Variants in SLIT2 observed in about 807,000 individuals in gnomAD.
SLIT2 encodes slit guidance ligand 2, also known as slit homolog 2 protein.
SLIT2 carries 41 observed loss-of-function variants against 185.7 expected under a neutral mutation model. The ratio of observed to expected loss-of-function variants is 0.22; its 90% CI spans 0.17 to 0.29. SLIT2 has a LOEUF of 0.29. Among genes scored for constraint, SLIT2 ranks in the 10% least tolerant of loss-of-function variants. The probability of loss-of-function intolerance (pLI) is 1.00; values close to 1 mark genes in which losing one functional copy is unlikely to be tolerated. For missense variants in SLIT2, 1,571 were observed against 1,909.0 expected, an observed-to-expected ratio of 0.82 and a Z score of 3.30; for synonymous variants, 693 against 680.2, an observed-to-expected ratio of 1.02 and a Z score of -0.29.
chr4:20,472,518 ATATATCTATATATAGATATATC>A lies in SLIT2; in HGVS notation c.467+4717_467+4738del, dbSNP rs1715513163. Among the ~76,000 whole-genome samples the A allele has an allele frequency of 3.6e-4, 8 of 21,990 alleles. 3 individuals are homozygous for A. Among genetic ancestry groups the A allele is most frequent in the Admixed American group, 2.8e-3 (3 of 1,088 alleles). The allele number at this position is 21,990 out of a possible 152,430, so 14.4% of individuals were successfully genotyped here. A position where few individuals can be genotyped will look rare whatever the true frequency, so the allele number is the denominator to read the frequency against. ...GATATATATCTATATATAGATAGAT[ATATATCTATATATAGATATATC>A]TATATCTATATATAGATATATATCT... is the stretch of plus-strand genomic sequence containing the variant. On this transcript the variant is annotated intron_variant, in intron 5 of 36. Coordinates refer to ENST00000504154, the MANE Select transcript of SLIT2 (RefSeq NM_004787.4).
At chr4:20,546,375 C>T (rs1037353351) in intron 22 of SLIT2, among the ~76,000 whole-genome samples, 1 of 152,002 alleles carries the variant, frequency 6.6e-6, no homozygotes, top group Non-Finnish European at 1.5e-5. Context: ...TATAAACCTG[C>T]AGATTTTTAT....
chr4:20,590,822 C>T (rs1479772447), intron 30 of SLIT2, among the ~76,000 whole-genome samples: 4 of 152,172 alleles, frequency 2.6e-5, no homozygotes, highest in Admixed American at 1.3e-4. Context: ...AACCATGGCC[C>T]GGAGAGGTTA....
intron 4 of SLIT2, among the ~76,000 whole-genome samples, chr4:20,322,604 A>G (rs1161794999): frequency 6.6e-6 from 1 of 152,080 alleles, no homozygotes; most frequent in Non-Finnish European, 1.5e-5. Context: ...CCTCACTTCC[A>G]TGAATCTCTT....
chr4:20,494,435 A>T (rs1718045718), intron 9 of SLIT2, among the ~76,000 whole-genome samples: 1 of 152,216 alleles, frequency 6.6e-6, no homozygotes, highest in Non-Finnish European at 1.5e-5. Context: ...GGAAGATGAC[A>T]GTGAACTCAA....
intron 4 of SLIT2, among the ~76,000 whole-genome samples, chr4:20,361,219 T>A (rs1335564030): frequency 6.6e-6 from 1 of 152,068 alleles, no homozygotes; most frequent in East Asian, 1.9e-4. Context: ...CATATCTTCT[T>A]CAACCAGATT....
rs948271537 is a variant in SLIT2, at chr4:20,484,883, T to C, written c.540-1317T>C. 3.0e-4 allele frequency among the ~76,000 whole-genome samples: 46 copies of C among 152,118 alleles called. No individual in the cohort carries two copies. Among genetic ancestry groups the C allele is most frequent in the African/African-American group, 1.0e-3 (43 of 41,460 alleles). On this transcript the variant is annotated intron_variant, in intron 6 of 36. Transcript: ENST00000504154. This position sits in a 1 kb window ranked among gnomAD's most constrained non-coding sequence, Gnocchi z 4.3. ...TTGCTAGCTTACCATATTCTTCACATTCCCCAAATGTCTGCTTTCTTCCAT... is the reference window on the plus strand; with the variant it reads ...TTGCTAGCTTACCATATTCTTCACACTCCCCAAATGTCTGCTTTCTTCCAT...
chr4:20,295,016 T>C (rs1214488645), intron 4 of SLIT2, among the ~76,000 whole-genome samples: 2 of 152,188 alleles, frequency 1.3e-5, no homozygotes, highest in Non-Finnish European at 2.9e-5. Context: ...CAAAGAAGTA[T>C]CAAAGACTAG....
intron 4 of SLIT2, among the ~76,000 whole-genome samples, chr4:20,323,320 G>A (rs58599905): frequency 0.068 from 10,397 of 152,158 alleles, 821 homozygotes; most frequent in African/African-American, 0.19. Context: ...AGAAAAGAGT[G>A]GATTCTGTCT....
chr4:20,493,005 TATC>T (rs1335905043), intron 9 of SLIT2, among the ~76,000 whole-genome samples: 21 of 152,198 alleles, frequency 1.4e-4, no homozygotes, highest in African/African-American at 4.6e-4. Context: ...AACATAATAA[TATC>T]ATTCTCATCA....
chr4:20,519,481 C>T (rs569219255), intron 12 of SLIT2, 28 bp downstream of exon 12: 21 of 1,338,768 alleles, frequency 1.6e-5, no homozygotes, highest in African/African-American at 2.9e-5. Context: ...TTGGATCTCT[C>T]GAGCCTAATA....
chr4:20,591,747 T>C (rs1348329736), intron 30 of SLIT2, among the ~76,000 whole-genome samples: 1 of 151,898 alleles, frequency 6.6e-6, no homozygotes, highest in African/African-American at 2.4e-5. Flanking sequence ...AGAAATTAGC[T>C]AGTAAGGAAA....
intron 4 of SLIT2, among the ~76,000 whole-genome samples, chr4:20,465,913 G>A (rs1272790533): frequency 2.6e-5 from 4 of 151,066 alleles, no homozygotes; most frequent in Non-Finnish European, 5.9e-5. Flanking sequence ...AGCAGGTAAA[G>A]TCTGGAGCAA....
intron 4 of SLIT2, among the ~76,000 whole-genome samples, chr4:20,370,488 G>A (rs979628410): frequency 6.6e-6 from 1 of 152,052 alleles, no homozygotes; most frequent in African/African-American, 2.4e-5. Context: ...AAATAGCACA[G>A]TACATGCCTG....
intron 4 of SLIT2, among the ~76,000 whole-genome samples, chr4:20,323,891 C>T (rs891378695): frequency 1.3e-5 from 2 of 152,128 alleles, no homozygotes; most frequent in African/African-American, 4.8e-5. Flanking sequence ...TTTGTACTTA[C>T]AAAATTATTT....
intron 29 of SLIT2, among the ~76,000 whole-genome samples, chr4:20,574,786 CAAAAAAAAAAAAA>C (rs57022828): frequency 1.2e-5 from 1 of 86,174 alleles, no homozygotes; most frequent in East Asian, 3.4e-4. Flanking sequence ...GACTCGCTTT[CAAAAAAAAAAAAA>C]AAAAAAAACA....
intron 4 of SLIT2, among the ~76,000 whole-genome samples, chr4:20,282,129 A>G (rs1488915708): frequency 6.6e-6 from 1 of 152,232 alleles, no homozygotes; most frequent in Non-Finnish European, 1.5e-5. Context: ...AACTATAAAT[A>G]TAATTGATTT....
intron 5 of SLIT2, among the ~76,000 whole-genome samples, chr4:20,472,292 A>ATATCTATATATC (rs1560452881): frequency 0.016 from 497 of 31,052 alleles, 39 homozygotes; most frequent in East Asian, 0.053. Flanking sequence ...ATATAGATAT[A>ATATCTATATATC]TAGATATATA....
intron 4 of SLIT2, among the ~76,000 whole-genome samples, chr4:20,388,831 T>C (rs947409075): frequency 6.9e-6 from 1 of 145,124 alleles, no homozygotes; most frequent in African/African-American, 2.5e-5. Flanking sequence ...ATATATAATA[T>C]ATAATATATA....
At chr4:20,617,403 A>C in intron 35 of SLIT2, 36 bp from the exon 36 acceptor site, 1 of 1,576,264 alleles carries the variant, frequency 6.3e-7, no homozygotes, top group Non-Finnish European at 8.7e-7. Context: ...TCCTCTTCTG[A>C]ATGCATTCCC....
Sources: allele counts gnomAD v4.1 joint callset (sites outside exome capture counted in the v4.1 genomes callset), GRCh38; gene constraint gnomAD v4.1.1; non-coding constraint Gnocchi (gnomAD v3.1); transcripts MANE v1.5; gene names NCBI Gene and HGNC (gene_info 2026-07-23, HGNC 2026-07-21).